OXR1: variants seen among roughly 807,000 people sequenced by gnomAD.
The protein encoded by OXR1 is oxidation resistance 1.
In OXR1, 41 loss-of-function variants were observed where a neutral mutation model predicts 104.6. The observed-to-expected ratio is 0.39, with a 90% CI of 0.31 to 0.51. The LOEUF (loss-of-function observed/expected upper bound fraction) is 0.51. OXR1 is among the 20% of genes least tolerant of loss of function. The pLI is 0.77. For synonymous variants in OXR1, 348 were observed against 348.4 expected (o/e 1.00, Z 0.01); for missense variants, 955 against 1,031.9 (o/e 0.93, Z 1.02).
At chr8:106,361,476 C>T (rs990550011) in intron 2 of OXR1, among the ~76,000 whole-genome samples, 7 of 152,160 alleles carry the variant, frequency 4.6e-5, no homozygotes, top group African/African-American at 1.4e-4. Flanking sequence ...TTGGCATCCT[C>T]ATTCTCCCAC....
intron 3 of OXR1, among the ~76,000 whole-genome samples, chr8:106,595,867 C>T (rs1819491111): frequency 6.6e-6 from 1 of 152,100 alleles, no homozygotes; most frequent in Admixed American, 6.6e-5. Context: ...GAATCTGTAG[C>T]ATGTCTAGCT....
chr8:106,283,857 A>T (rs1812386065), intron 1 of OXR1, among the ~76,000 whole-genome samples: 2 of 152,250 alleles, frequency 1.3e-5, no homozygotes, highest in South Asian at 4.1e-4. Flanking sequence ...AATTTCCTGA[A>T]GTTACTAAAA....
chr8:106,370,580 C>T (rs907999358), intron 2 of OXR1, among the ~76,000 whole-genome samples: 5 of 152,066 alleles, frequency 3.3e-5, no homozygotes, highest in Non-Finnish European at 7.4e-5. Flanking sequence ...CCATCAATAC[C>T]TAGTTTATTG....
chr8:106,579,440 T>C (rs1245110571), intron 3 of OXR1, among the ~76,000 whole-genome samples: 2 of 152,170 alleles, frequency 1.3e-5, no homozygotes, highest in Admixed American at 6.5e-5. Flanking sequence ...CTAAATAAAA[T>C]GAGCTAGAAA....
At chr8:106,287,654 T>G (rs1812554945) in intron 1 of OXR1, among the ~76,000 whole-genome samples, 1 of 107,614 alleles carries the variant, frequency 9.3e-6, no homozygotes, top group African/African-American at 4.9e-5. Flanking sequence ...AACATCCCAT[T>G]TCAAAAAAAA....
At chr8:106,641,428 G>A (rs543427540) in intron 3 of OXR1, among the ~76,000 whole-genome samples, 3 of 152,148 alleles carry the variant, frequency 2.0e-5, no homozygotes, top group East Asian at 1.9e-4. Flanking sequence ...TTATCTCCAC[G>A]CACAGCATAC....
intron 2 of OXR1, among the ~76,000 whole-genome samples, chr8:106,507,178 T>C (rs981585808): frequency 6.6e-6 from 1 of 152,218 alleles, no homozygotes; most frequent in Non-Finnish European, 1.5e-5. Context: ...AAGTAGAATG[T>C]TTCAAGATAG....
At chr8:106,347,739 T>C (rs983910221) in intron 1 of OXR1, among the ~76,000 whole-genome samples, 1 of 152,214 alleles carries the variant, frequency 6.6e-6, no homozygotes, top group Admixed American at 6.5e-5. Flanking sequence ...TATGTGACTA[T>C]TACTATATCT....
chr8:106,284,529 A>T (rs1418134205), intron 1 of OXR1, among the ~76,000 whole-genome samples: 1 of 152,224 alleles, frequency 6.6e-6, no homozygotes, highest in Admixed American at 6.5e-5. Flanking sequence ...GAGAACAGAT[A>T]GTATTCAGCA....
At chr8:106,459,940 C>T (rs144593887) in intron 2 of OXR1, among the ~76,000 whole-genome samples, 1,718 of 152,292 alleles carry the variant, frequency 0.011, 33 homozygotes, top group African/African-American at 0.037. Context: ...AGCATCCATA[C>T]GTTTCTCTTC....
intron 1 of OXR1, among the ~76,000 whole-genome samples, chr8:106,306,090 A>G (rs1813454699): frequency 2.0e-5 from 3 of 150,876 alleles, no homozygotes; most frequent in African/African-American, 7.3e-5. Context: ...GATTATCTAG[A>G]TTTTGAAGAG....
intron 1 of OXR1, among the ~76,000 whole-genome samples, chr8:106,321,303 A>G (rs930649573): frequency 6.6e-6 from 1 of 152,206 alleles, no homozygotes; most frequent in African/African-American, 2.4e-5. Flanking sequence ...AAAAAATGTA[A>G]TGGATTTTAT....
chr8:106,352,429 A>G (rs2130311115), intron 1 of OXR1, among the ~76,000 whole-genome samples: 1 of 152,356 alleles, frequency 6.6e-6, no homozygotes, highest in Non-Finnish European at 1.5e-5. Context: ...AGTGTGTTTT[A>G]GAATTTAAAA....
At chr8:106,328,134 C>T (rs1343850166) in intron 1 of OXR1, among the ~76,000 whole-genome samples, 1 of 152,190 alleles carries the variant, frequency 6.6e-6, no homozygotes, top group Non-Finnish European at 1.5e-5. Context: ...AAATTGGCCC[C>T]TGTCAGTCTC....
chr8:106,298,648 G>A (rs988449122), intron 1 of OXR1, among the ~76,000 whole-genome samples: 3 of 152,114 alleles, frequency 2.0e-5, no homozygotes, highest in African/African-American at 7.2e-5. Context: ...TGGATACTCA[G>A]AGCCATAAAT....
chr8:106,385,105 C>A (rs948484292), intron 2 of OXR1, among the ~76,000 whole-genome samples: 3 of 152,084 alleles, frequency 2.0e-5, no homozygotes, highest in Non-Finnish European at 4.4e-5. Flanking sequence ...TTTTCTTCTT[C>A]TTAAGGGACA....
intron 11 of OXR1, among the ~76,000 whole-genome samples, chr8:106,734,240 A>G (rs764786511): frequency 2.0e-5 from 3 of 152,176 alleles, no homozygotes; most frequent in Non-Finnish European, 4.4e-5. Flanking sequence ...AAAGTTTAAC[A>G]TAATTCAGGT....
intron 11 of OXR1, among the ~76,000 whole-genome samples, chr8:106,727,101 A>C (rs1454034073): frequency 1.3e-5 from 2 of 152,144 alleles, no homozygotes; most frequent in African/African-American, 4.8e-5. Flanking sequence ...AAATTCATTT[A>C]TATGTTACAT....
chr8:106,493,859 G>A (rs1398939847), intron 2 of OXR1, among the ~76,000 whole-genome samples: 2 of 151,998 alleles, frequency 1.3e-5, no homozygotes, highest in Admixed American at 6.6e-5. Context: ...AGCAGTGTAA[G>A]CTAAAGGTAA....
Sources: allele counts gnomAD v4.1 joint callset (sites outside exome capture counted in the v4.1 genomes callset), GRCh38; gene constraint gnomAD v4.1.1; transcripts MANE v1.5; gene names NCBI Gene and HGNC (gene_info 2026-07-23, HGNC 2026-07-21).